LMBRD1: variants seen among roughly 807,000 people sequenced by gnomAD.
LMBRD1 encodes LMBR1 domain containing 1.
LMBRD1 carries 64 observed loss-of-function variants against 74.8 expected under a neutral mutation model. That is an observed-to-expected ratio of 0.86 (90% CI 0.70 to 1.05). LMBRD1 has a LOEUF of 1.05. Ranked by LOEUF, LMBRD1 falls within the 50% of genes least tolerant of loss-of-function variation. The pLI, the probability that LMBRD1 is intolerant of heterozygous loss-of-function variation, is 0.00. For missense variants in LMBRD1, 652 were observed against 645.9 expected (o/e 1.01, Z -0.10); for synonymous variants, 204 against 216.3 (o/e 0.94, Z 0.50).
chr6:69,702,712 C>T (rs932694842), intron 9 of LMBRD1, among the ~76,000 whole-genome samples: 3 of 151,936 alleles, frequency 2.0e-5, no homozygotes, highest in Admixed American at 6.6e-5. Flanking sequence ...CCCCAAGTTG[C>T]GGGGACAACT....
intron 3 of LMBRD1, among the ~76,000 whole-genome samples, chr6:69,770,210 C>T (rs1902653): frequency 0.097 from 14,800 of 152,150 alleles, 1,913 homozygotes; most frequent in African/African-American, 0.3. Flanking sequence ...GTGAGCACCA[C>T]CCAACTGAGT....
At chr6:69,683,044 C>T (rs866185340) in intron 14 of LMBRD1, among the ~76,000 whole-genome samples, 13 of 151,566 alleles carry the variant, frequency 8.6e-5, no homozygotes, top group African/African-American at 2.9e-4. Context: ...AGAAAGCATA[C>T]AGCTAATCAA....
chr6:69,706,205 TAAAC>T, intron 9 of LMBRD1: 1 of 424,154 alleles, frequency 2.4e-6, no homozygotes, highest in South Asian at 2.1e-5. Context: ...CAGATGGAGA[TAAAC>T]AACCACAGCT....
chr6:69,712,487 A>T (rs1766405065), intron 9 of LMBRD1, among the ~76,000 whole-genome samples: 1 of 151,800 alleles, frequency 6.6e-6, no homozygotes, highest in South Asian at 2.1e-4. Context: ...TTAACAACCC[A>T]TACAAATAGA....
rs1765505409 is a variant in LMBRD1, at chr6:69,674,408, A to C, written c.*1750T>G. ...ATGGAAAGATAGGAAGTAGAAATTAACATGACATGATTGTTTGATGAGTCA... is the reference window on the plus strand; with the variant it reads ...ATGGAAAGATAGGAAGTAGAAATTACCATGACATGATTGTTTGATGAGTCA... On this transcript the variant is annotated 3_prime_UTR_variant, in exon 16 of 16. Coordinates refer to ENST00000649934, the MANE Select transcript of LMBRD1 (RefSeq NM_018368.4). Among the ~76,000 whole-genome samples, 1 of 152,224 alleles carries C rather than the reference A, an allele frequency of 6.6e-6. No homozygotes were observed. Among genetic ancestry groups the C allele is most frequent in the Non-Finnish European group, 1.5e-5 (1 of 68,038 alleles).
chr6:69,706,800 A>G (rs1467730591), intron 9 of LMBRD1, among the ~76,000 whole-genome samples: 1 of 152,162 alleles, frequency 6.6e-6, no homozygotes, highest in Non-Finnish European at 1.5e-5. Flanking sequence ...TTATATCTTC[A>G]TTCTAAATTG....
intron 14 of LMBRD1, among the ~76,000 whole-genome samples, chr6:69,691,550 AAAT>A (rs1765878857): frequency 6.6e-6 from 1 of 152,126 alleles, no homozygotes; most frequent in African/African-American, 2.4e-5. Flanking sequence ...GATTCTGTGA[AAAT>A]AAGTCAATGT....
chr6:69,711,390 C>T (rs1292327265), intron 9 of LMBRD1, among the ~76,000 whole-genome samples: 1 of 152,096 alleles, frequency 6.6e-6, no homozygotes, highest in Non-Finnish European at 1.5e-5. Flanking sequence ...CTATATTGGG[C>T]AAAACCAGTC....
At chr6:69,793,822 C>T (rs780758767) in intron 1 of LMBRD1, among the ~76,000 whole-genome samples, 1 of 149,794 alleles carries the variant, frequency 6.7e-6, no homozygotes, top group South Asian at 2.1e-4. Context: ...TGGGCTCAAG[C>T]AATCCTCCCA....
At chr6:69,686,034 C>T (rs1286047810) in intron 14 of LMBRD1, among the ~76,000 whole-genome samples, 2 of 152,062 alleles carry the variant, frequency 1.3e-5, no homozygotes, top group Non-Finnish European at 2.9e-5. Flanking sequence ...AAAAACTCTG[C>T]AGCTCTTAGT....
chr6:69,741,923 GTTAAA>G (rs748178936), intron 5 of LMBRD1, 46 bp from the exon 6 acceptor site: 19 of 1,101,292 alleles, frequency 1.7e-5, no homozygotes, highest in Admixed American at 3.7e-5. Context: ...AAGATAAAAA[GTTAAA>G]TTAAATGGTT....
chr6:69,686,150 C>G (rs1765759691), intron 14 of LMBRD1, among the ~76,000 whole-genome samples: 1 of 152,142 alleles, frequency 6.6e-6, no homozygotes, highest in Non-Finnish European at 1.5e-5. Flanking sequence ...ATAGTTTATA[C>G]TATCTTCCCC....
At chr6:69,741,004 T>C (rs1347973828) in intron 6 of LMBRD1, among the ~76,000 whole-genome samples, 1 of 152,066 alleles carries the variant, frequency 6.6e-6, no homozygotes. Context: ...TTTGATGAGG[T>C]AAATTTATAA....
At chr6:69,712,300 G>T (rs1160792502) in intron 9 of LMBRD1, among the ~76,000 whole-genome samples, 1 of 152,124 alleles carries the variant, frequency 6.6e-6, no homozygotes, top group Non-Finnish European at 1.5e-5. Context: ...AAGTACCATA[G>T]TCCCAAGAAT....
intron 9 of LMBRD1, 125 bp from the exon 10 acceptor site, chr6:69,702,078 A>G (rs1766144914): frequency 4.5e-6 from 3 of 661,042 alleles, no homozygotes; most frequent in South Asian, 3.6e-5. Context: ...TCTAAGATAC[A>G]TTTTAACTTA....
chr6:69,787,350 C>CAGACA (rs1765975088), intron 2 of LMBRD1, among the ~76,000 whole-genome samples: 1 of 152,064 alleles, frequency 6.6e-6, no homozygotes, highest in Admixed American at 6.6e-5. Flanking sequence ...AGGGAAAATA[C>CAGACA]AGACACACAG....
intron 9 of LMBRD1, among the ~76,000 whole-genome samples, chr6:69,711,970 G>C (rs544239611): frequency 1.3e-5 from 2 of 151,966 alleles, no homozygotes; most frequent in African/African-American, 4.8e-5. Flanking sequence ...TATTCTACCC[G>C]ATCCTCTCCT....
intron 7 of LMBRD1, among the ~76,000 whole-genome samples, chr6:69,721,631 G>A (rs1235076799): frequency 2.0e-5 from 3 of 152,196 alleles, no homozygotes; most frequent in Non-Finnish European, 4.4e-5. Context: ...GGGTGATCCA[G>A]CACATTCCCA....
At chr6:69,752,903 T>C (rs904347107) in intron 3 of LMBRD1, among the ~76,000 whole-genome samples, 3 of 152,152 alleles carry the variant, frequency 2.0e-5, no homozygotes, top group Non-Finnish European at 4.4e-5. Flanking sequence ...GTAAAAAGAA[T>C]AGTAGAACAG....
Sources: allele counts gnomAD v4.1 joint callset (sites outside exome capture counted in the v4.1 genomes callset), GRCh38; gene constraint gnomAD v4.1.1; transcripts MANE v1.5; gene names NCBI Gene and HGNC (gene_info 2026-07-23, HGNC 2026-07-21).